LOXHD1: variants seen among roughly 807,000 people sequenced by gnomAD.
The protein encoded by LOXHD1 is lipoxygenase homology domain-containing protein 1.
Under a neutral mutation model 248.2 loss-of-function variants are expected in LOXHD1, and 205 were observed. That is an observed-to-expected ratio of 0.83 (90% CI 0.74 to 0.93). The LOEUF is 0.93. Ranked by LOEUF, LOXHD1 falls within the 40% of genes least tolerant of loss-of-function variation. The probability of loss-of-function intolerance (pLI) is 0.00; values close to 1 mark genes in which losing one functional copy is unlikely to be tolerated. For missense variants in LOXHD1, 2,930 were observed against 2,971.6 expected (o/e 0.99, Z 0.33); for synonymous variants, 1,113 against 1,162.8 (o/e 0.96, Z 0.87).
chr18:46,612,966 T>G (rs534164237), intron 5 of LOXHD1, among the ~76,000 whole-genome samples: 1 of 152,228 alleles, frequency 6.6e-6, no homozygotes, highest in East Asian at 1.9e-4. Context: ...TATCACACTG[T>G]TTTAGTTTTT....
intron 2 of LOXHD1, among the ~76,000 whole-genome samples, chr18:46,648,747 C>A (rs1192802376): frequency 1.3e-5 from 2 of 152,138 alleles, no homozygotes; most frequent in African/African-American, 4.8e-5. Context: ...CAACACTGGT[C>A]CCTGGTGAGA....
chr18:46,508,818 C>T (rs1235962550), intron 35 of LOXHD1, among the ~76,000 whole-genome samples: 1 of 152,230 alleles, frequency 6.6e-6, no homozygotes, highest in Non-Finnish European at 1.5e-5. Context: ...CCACTCTTAG[C>T]ATGGAAAGCC....
intron 38 of LOXHD1, among the ~76,000 whole-genome samples, chr18:46,486,946 C>T (rs2143588923): frequency 6.6e-6 from 1 of 152,264 alleles, no homozygotes; most frequent in East Asian, 1.9e-4. Context: ...GCTTACTTTC[C>T]CACACGAAGC....
chr18:46,534,549 C>A, intron 26 of LOXHD1, 98 bp from the exon 27 acceptor site: 1 of 875,890 alleles, frequency 1.1e-6, no homozygotes, highest in Non-Finnish European at 1.9e-6. Context: ...ACCCTGAGTC[C>A]CTTTGCATTT....
At chr18:46,652,003 G>A (rs144834496) in intron 1 of LOXHD1, among the ~76,000 whole-genome samples, 146 of 152,282 alleles carry the variant, frequency 9.6e-4, no homozygotes, top group African/African-American at 3.4e-3. Flanking sequence ...ATCAACAGGG[G>A]CATAGATAAA....
chr18:46,502,835 G>A (rs1441859164), intron 37 of LOXHD1, among the ~76,000 whole-genome samples: 1 of 152,156 alleles, frequency 6.6e-6, no homozygotes, highest in East Asian at 1.9e-4. Flanking sequence ...AGTTTTCTGG[G>A]CTGACTGGGA....
At chr18:46,638,353 C>A (rs932397472) in intron 4 of LOXHD1, among the ~76,000 whole-genome samples, 1 of 152,156 alleles carries the variant, frequency 6.6e-6, no homozygotes, top group African/African-American at 2.4e-5. Context: ...AATCAATGGC[C>A]GGGCACGGTG....
At chr18:46,503,495 G>A (rs915233581) in intron 37 of LOXHD1, among the ~76,000 whole-genome samples, 37 of 152,170 alleles carry the variant, frequency 2.4e-4, no homozygotes, top group African/African-American at 8.4e-4. Context: ...TTTGTGAAGT[G>A]TCTGGGGCAG....
At chr18:46,577,635 G>A (rs1313944353) in intron 14 of LOXHD1, 72 bp downstream of exon 14, 3 of 1,493,160 alleles carry the variant, frequency 2.0e-6, no homozygotes, top group Non-Finnish European at 2.7e-6. Flanking sequence ...ATGGTAGTAG[G>A]GCTGGGTCTT....
chr18:46,572,026 G>A (rs2037761307), intron 15 of LOXHD1, 60 bp downstream of exon 15: 3 of 1,422,626 alleles, frequency 2.1e-6, no homozygotes, highest in Non-Finnish European at 2.9e-6. Context: ...GGGCTTAGCT[G>A]AGGGAAGGCC....
intron 34 of LOXHD1, 56 bp from the exon 35 acceptor site, chr18:46,509,871 G>A: frequency 1.8e-6 from 2 of 1,140,176 alleles, no homozygotes; most frequent in Non-Finnish European, 2.5e-6. Context: ...GGGAGGGTTG[G>A]GGTGGGCCAG....
intron 16 of LOXHD1, among the ~76,000 whole-genome samples, chr18:46,568,787 G>A (rs1816749026): frequency 6.6e-6 from 1 of 152,150 alleles, no homozygotes; most frequent in Non-Finnish European, 1.5e-5. Flanking sequence ...CCTAAGTTGG[G>A]TTCAGTTCAC....
rs559612806 is a variant in LOXHD1 at position 46,490,492 on chromosome 18, T to A, written c.5879-1350A>T. 2.6e-5 allele frequency among the ~76,000 whole-genome samples: 4 copies of A among 152,396 alleles called. No individual in the cohort carries two copies. The South Asian group carries it at 8.3e-4, about 32-fold the overall frequency. Reference sequence around the variant, plus strand: ...GTGAAGTTACTTATTTATTTATTTATGAGACGGAGTTTCACCCTTGTTGCC... The same window carrying A: ...GTGAAGTTACTTATTTATTTATTTAAGAGACGGAGTTTCACCCTTGTTGCC... On this transcript the variant is annotated intron_variant, in intron 37 of 40. Coordinates refer to ENST00000642948, the MANE Select transcript of LOXHD1 (RefSeq NM_001384474.1).
intron 1 of LOXHD1, 25 bp downstream of exon 1, chr18:46,656,879 C>T (rs1442904886): frequency 2.6e-6 from 4 of 1,548,784 alleles, no homozygotes; most frequent in Non-Finnish European, 3.5e-6. Flanking sequence ...GCACCACCCG[C>T]CCCCCGCAGG....
chr18:46,639,822 A>C (rs1403485626), intron 3 of LOXHD1, 22 bp from the exon 4 acceptor site: 2 of 1,551,610 alleles, frequency 1.3e-6, no homozygotes, highest in Admixed American at 2.0e-5. Flanking sequence ...GCCAAGGCCC[A>C]CACCATCACT....
intron 6 of LOXHD1, among the ~76,000 whole-genome samples, chr18:46,607,325 A>G (rs2038430518): frequency 6.6e-6 from 1 of 150,620 alleles, no homozygotes; most frequent in Non-Finnish European, 1.5e-5. Flanking sequence ...ATACACATAT[A>G]TGTGCATATA....
chr18:46,628,548 T>G (rs901745275), intron 4 of LOXHD1, among the ~76,000 whole-genome samples: 1 of 152,140 alleles, frequency 6.6e-6, no homozygotes, highest in African/African-American at 2.4e-5. Flanking sequence ...TTAACAGCAG[T>G]CAAGGTGATG....
At chr18:46,626,908 A>G (rs1009083244) in intron 4 of LOXHD1, among the ~76,000 whole-genome samples, 1 of 152,210 alleles carries the variant, frequency 6.6e-6, no homozygotes, top group African/African-American at 2.4e-5. Flanking sequence ...AGATAGGTGG[A>G]TGGATAGATT....
chr18:46,534,457 G>A lies in LOXHD1; in HGVS notation c.4096-6C>T. ...ATTTCTCCCACATCTTCTAACTTTG[G>A]AAAGGAGATAAGGCACTGAATGTTA... On this transcript the variant is annotated splice_region_variant and splice_polypyrimidine_tract_variant and intron_variant, in intron 26 of 40. Coordinates refer to ENST00000642948, the MANE Select transcript of LOXHD1 (RefSeq NM_001384474.1). The A allele has an allele frequency of 1.9e-6, 3 of 1,546,610 alleles. No individual in the cohort carries two copies. The South Asian group carries it at 3.6e-5, about 18-fold the overall frequency.
Sources: gnomAD v4.1 joint callset for allele counts (sites outside exome capture counted in the v4.1 genomes callset) on GRCh38, gnomAD v4.1.1 for gene constraint, MANE v1.5 for transcripts, NCBI Gene and HGNC (gene_info 2026-07-23, HGNC 2026-07-21) for gene names.